The following BRPF1 variants were observed in gnomAD, a reference collection of about 807,000 sequenced individuals.
BRPF1 encodes the protein bromodomain and PHD finger containing 1, also known as peregrin.
Under a neutral mutation model 115.0 loss-of-function variants are expected in BRPF1, and 15 were observed. The ratio of observed to expected loss-of-function variants is 0.13; its 90% CI spans 0.09 to 0.20. The LOEUF (loss-of-function observed/expected upper bound fraction) is 0.20, where lower values mean the gene tolerates loss of function less well. Among genes scored for constraint, BRPF1 ranks in the 10% least tolerant of loss-of-function variants. The probability of loss-of-function intolerance (pLI) is 1.00; values close to 1 mark genes in which losing one functional copy is unlikely to be tolerated. For synonymous variants in BRPF1, 647 were observed against 619.8 expected, an observed-to-expected ratio of 1.04 and a Z score of -0.65; for missense variants, 1,118 against 1,638.3, an observed-to-expected ratio of 0.68 and a Z score of 5.48.
In BRPF1 at chr3:9,745,007, G is replaced by C; in HGVS notation, c.2921-1G>C. ...CCCTCCTCCCCTTCCCTTCAACCAA[G>C]ACTTACCAGCCAATGGCTTCAGCGG... On this transcript the variant is annotated splice_acceptor_variant, in intron 9 of 13. Transcript: ENST00000383829. LOFTEE classifies it high-confidence loss of function. The surrounding 1 kb of genome is among the most constrained non-coding windows in gnomAD (Gnocchi z 5.1). 1 of 1,614,146 alleles carries C rather than the reference G, an allele frequency of 6.2e-7. No homozygotes were observed. Among genetic ancestry groups the C allele is most frequent in the South Asian group, 1.1e-5 (1 of 91,066 alleles).
intron 6 of BRPF1, chr3:9,742,658 C>G: frequency 1.5e-6 from 1 of 652,962 alleles, no homozygotes; most frequent in African/African-American, 2.0e-5. Flanking sequence ...CATTTTCTTA[C>G]TAAAGCCTCA....
chr3:9,742,601 G>A, intron 6 of BRPF1: 2 of 958,362 alleles, frequency 2.1e-6, no homozygotes, highest in Non-Finnish European at 2.5e-6. Context: ...AGTAAAAAGA[G>A]CTGTAGGAAT....
chr3:9,744,962 A>G, intron 9 of BRPF1, 46 bp from the exon 10 acceptor site: 1 of 1,613,256 alleles, frequency 6.2e-7, no homozygotes, highest in Non-Finnish European at 8.5e-7. Context: ...TCTGATCTAC[A>G]TCTTCCTGAC....
rs375651387 is a variant in BRPF1, at chr3:9,739,105, G to T, written c.706G>T (p.Gly236Cys). ...CATGAATGAGCGTCGGAAGACAGAG[G>T]GTGTAAGTCCCATCCCGCAGGAGAT... ...DIMNERRKTE[G>C]VSPIPQEIFE... Residue 236 changes from glycine (G) to cysteine (C), a missense_variant, in exon 3 of 14, where the codon GGT becomes TGT. By Grantham distance (159) the Gly-to-Cys change is radical (BLOSUM62 -3). Around this residue, in one of 10 missense-constraint regions of BRPF1, gnomAD observed 280 missense variants for 382.8 expected, o/e 0.73. Coordinates refer to ENST00000383829, the MANE Select transcript of BRPF1 (RefSeq NM_001003694.2). The T allele has an allele frequency of 1.2e-6, 2 of 1,613,856 alleles. No individual in the cohort carries two copies. The highest frequency in any genetic ancestry group is 1.7e-6 in the Non-Finnish European group (2 of 1,179,822).
chr3:9,735,017 CTTT>C (rs781439048), intron 2 of BRPF1, among the ~76,000 whole-genome samples: 1 of 120,192 alleles, frequency 8.3e-6, no homozygotes. Flanking sequence ...CAGATTTATC[CTTT>C]TTTTTTTTTT....
intron 1 of BRPF1, chr3:9,732,352 C>G (rs1178057756): frequency 6.6e-6 from 1 of 152,310 alleles, no homozygotes; most frequent in Non-Finnish European, 1.5e-5. Context: ...CCTTGTTTCA[C>G]TTGTTACACT....
At position 9,747,614 on chromosome 3, in the gene BRPF1, C is replaced by A. The variant is rs922262869; in HGVS notation, c.*265C>A. ...CCAGAGACCTCACAGCATTGTAGGG[C>A]GGGGTGGTGGGCCAAAGTTAGGACA... On this transcript the variant is annotated 3_prime_UTR_variant, in exon 14 of 14. Coordinates refer to ENST00000383829, the MANE Select transcript of BRPF1 (RefSeq NM_001003694.2). The surrounding 1 kb of genome is among the most constrained non-coding windows in gnomAD (Gnocchi z 5.6). 5 of 369,534 alleles carry A rather than the reference C, an allele frequency of 1.4e-5. No individual in the cohort carries two copies. The highest frequency in any genetic ancestry group is 7.9e-5 in the African/African-American group (4 of 50,324). 22.9% of individuals were successfully genotyped at this position (369,534 alleles called of 1,614,324 possible).
Position 9,739,784 on chromosome 3 carries a change from G to A in BRPF1, c.1385G>A (p.Ser462Asn), listed in dbSNP as rs1475605640. Residue 462 changes from serine (S) to asparagine (N), a missense_variant, in exon 3 of 14, where the codon AGC becomes AAC. By Grantham distance (46) the Ser-to-Asn change is conservative. Transcript: ENST00000383829. The stretch of plus-strand genomic sequence containing the variant: ...CGCCGACTGCCTGCCCTGTCCCACA[G>A]CGAGGGTGAGGAGGATGAAGATGAG... The part of the protein sequence containing the change: ...SARRLPALSH[S>N]EGEEDEDEEE... 5.0e-6 allele frequency: 8 copies of A among 1,613,764 alleles called. No individual in the cohort carries two copies. In the South Asian group the frequency reaches 8.8e-5, roughly 18 times the overall value.
rs551862541 is a variant in BRPF1, at chr3:9,741,325, G to C, written c.1740G>C (p.Lys580Asn). The change falls in exon 5 of 14, where the codon AAG becomes AAC. Residue 580 changes from lysine (K) to asparagine (N), a missense_variant. Transcript: ENST00000383829. ...CTCTACAGAGAGATTCTGAGGATAA[G>C]AACTGGGCCCTTAAAGAACAGCTCA... Reference protein sequence around the residue: ...CDQVGRDSEDKNWALKEQLKS... With the variant: ...CDQVGRDSEDNNWALKEQLKS... 53 of 1,593,680 alleles carry C rather than the reference G, an allele frequency of 3.3e-5. No homozygotes were observed. In the South Asian group the frequency reaches 5.9e-4, roughly 18 times the overall value.
Position 9,739,191 on chromosome 3 carries a change from C to T in BRPF1, c.792C>T (p.Gly264=), listed in dbSNP as rs766098730. ...KESYFESHNK[G]DPNALVDEDA... is the part of the protein sequence containing the mutation. Reference sequence around the variant, plus strand: ...CGTACTTTGAGAGTCATAATAAAGGCGACCCTAATGCGCTAGTGGACGAGG... The same window carrying T: ...CGTACTTTGAGAGTCATAATAAAGGTGACCCTAATGCGCTAGTGGACGAGG... The change falls in exon 3 of 14, where the codon GGC becomes GGT. Residue 264 remains glycine (G), a synonymous_variant. Transcript: ENST00000383829. The T allele has an allele frequency of 3.3e-5, 53 of 1,613,642 alleles. No homozygotes were observed. The South Asian group carries it at 4.7e-4, about 14-fold the overall frequency.
chr3:9,739,515 C>T lies in BRPF1; in HGVS notation c.1116C>T (p.Asp372=), dbSNP rs887405621. 3 of 1,613,472 alleles carry T rather than the reference C, an allele frequency of 1.9e-6. No homozygotes were observed. The highest frequency in any genetic ancestry group is 1.3e-5 in the African/African-American group (1 of 74,926). ...FANTVFLEPI[D]SIEHIPPARW... ...ACACGGTCTTCCTAGAGCCTATTGA[C>T]AGCATTGAGCACATCCCACCAGCTC... The change falls in exon 3 of 14, where the codon GAC becomes GAT. Residue 372 remains aspartate (D), a synonymous_variant. Coordinates refer to ENST00000383829, the MANE Select transcript of BRPF1 (RefSeq NM_001003694.2).
intron 2 of BRPF1, among the ~76,000 whole-genome samples, chr3:9,735,570 A>G (rs2076926766): frequency 1.3e-5 from 2 of 152,238 alleles, no homozygotes; most frequent in Admixed American, 1.3e-4. Flanking sequence ...TTCATAAGGT[A>G]CTAAAAGCAC....
In BRPF1 at chr3:9,740,857, G is replaced by T. The variant is rs757662316; in HGVS notation, c.1638G>T (p.Leu546=). ...AGAGGCTGCACAGCTACTGGACACT[G>T]AAGCGGCAGTCACGGAATGGGGTCC... ...FMQRLHSYWT[L]KRQSRNGVPL... The change falls in exon 4 of 14, where the codon CTG becomes CTT. Residue 546 remains leucine (L), a synonymous_variant. Transcript: ENST00000383829. The T allele has an allele frequency of 6.2e-6, 10 of 1,614,056 alleles. No homozygotes were observed. The highest frequency in any genetic ancestry group is 8.5e-6 in the Non-Finnish European group (10 of 1,180,050).
In BRPF1 at chr3:9,739,842, G is replaced by A; in HGVS notation, c.1443G>A (p.Glu481=). The change falls in exon 3 of 14, where the codon GAG becomes GAA. Residue 481 remains glutamate (E), a synonymous_variant. Transcript: ENST00000383829. ...ATGAGGGTAAGGGCTGGAGCTCAGA[G>A]AAAGTCAAGAAGGCCAAGGCCAAGT... ...EEDEGKGWSS[E]KVKKAKAKSR... The A allele has an allele frequency of 6.3e-7, 1 of 1,595,644 alleles. No homozygotes were observed. The highest frequency in any genetic ancestry group is 8.5e-7 in the Non-Finnish European group (1 of 1,170,986).
intron 6 of BRPF1, 80 bp from the exon 7 acceptor site, chr3:9,742,864 C>T: frequency 2.7e-6 from 4 of 1,468,138 alleles, no homozygotes; most frequent in Non-Finnish European, 3.7e-6. Context: ...GGATGTGTTT[C>T]AGGGGGGCTT....
Position 9,734,106 on chromosome 3 carries a change from A to G in BRPF1, c.-10-25A>G, listed in dbSNP as rs1395557771. 6 of 1,547,458 alleles carry G rather than the reference A, an allele frequency of 3.9e-6. No homozygotes were observed. The highest frequency in any genetic ancestry group is 5.2e-6 in the Non-Finnish European group (6 of 1,145,074). Reference sequence around the variant, plus strand: ...TGGCCAGGAACTCATCCCCAGCCTTATGTTAACTGATCTGTGTATTCTAGA... The same window carrying G: ...TGGCCAGGAACTCATCCCCAGCCTTGTGTTAACTGATCTGTGTATTCTAGA... On this transcript the variant is annotated intron_variant, in intron 1 of 13. Transcript: ENST00000383829. This position sits in a 1 kb window ranked among gnomAD's most constrained non-coding sequence, Gnocchi z 5.7.
intron 2 of BRPF1, 61 bp from the exon 3 acceptor site, chr3:9,738,938 A>T (rs2076985030): frequency 6.7e-7 from 1 of 1,491,312 alleles, no homozygotes; most frequent in Non-Finnish European, 9.0e-7. Flanking sequence ...CAAATGACCC[A>T]TCATCTTTAA....
At chr3:9,740,388 T>C (rs17050538) in intron 3 of BRPF1, among the ~76,000 whole-genome samples, 6,519 of 152,314 alleles carry the variant, frequency 0.043, 291 homozygotes, top group Admixed American at 0.13. Flanking sequence ...TTTAGTTCTC[T>C]TGTGCCGTTT....
chr3:9,741,450 C>G lies in BRPF1; in HGVS notation c.1854+11C>G, dbSNP rs763443294. On this transcript the variant is annotated intron_variant, in intron 5 of 13. Coordinates refer to ENST00000383829, the MANE Select transcript of BRPF1 (RefSeq NM_001003694.2). Reference sequence around the variant, plus strand: ...CTCAAAAGGGAGACGGTGAGTGCTCCTGGGCCAGCCCTATTTTATAAAAGA... The same window carrying G: ...CTCAAAAGGGAGACGGTGAGTGCTCGTGGGCCAGCCCTATTTTATAAAAGA... The G allele has an allele frequency of 1.3e-6, 2 of 1,566,658 alleles. No homozygotes were observed. The highest frequency in any genetic ancestry group is 1.4e-5 in the African/African-American group (1 of 72,806).
Sources: gnomAD v4.1 joint callset for allele counts (sites outside exome capture counted in the v4.1 genomes callset) on GRCh38, gnomAD v4.1.1 for gene constraint, gnomAD v4.1.1 regional missense constraint, Gnocchi (gnomAD v3.1) non-coding constraint, MANE v1.5 for transcripts, NCBI Gene and HGNC (gene_info 2026-07-23, HGNC 2026-07-21) for gene names.